Variants in MYO16 observed in about 807,000 individuals in gnomAD.
MYO16 encodes unconventional myosin-XVI.
A neutral mutation model predicts 205.3 loss-of-function variants in MYO16; 94 were observed. The observed-to-expected ratio is 0.46, with a 90% CI of 0.39 to 0.54. The LOEUF (loss-of-function observed/expected upper bound fraction) is 0.54, where lower values mean the gene tolerates loss of function less well. Among genes scored for constraint, MYO16 ranks in the 20% least tolerant of loss-of-function variants. MYO16 has a pLI of 0.00. For missense variants in MYO16, 2,315 were observed against 2,387.5 expected (o/e 0.97, Z 0.63); for synonymous variants, 988 against 954.0 (o/e 1.04, Z -0.66).
intron 24 of MYO16, among the ~76,000 whole-genome samples, chr13:109,051,872 G>T (rs1162031410): frequency 1.3e-5 from 2 of 152,090 alleles, no homozygotes; most frequent in East Asian, 3.9e-4. Flanking sequence ...CTTACAGACG[G>T]CTCTGAGACA....
chr13:108,856,705 C>T (rs1878192830), intron 11 of MYO16, among the ~76,000 whole-genome samples: 1 of 152,028 alleles, frequency 6.6e-6, no homozygotes, highest in African/African-American at 2.4e-5. Flanking sequence ...TTTCTTTACC[C>T]ATTTGTGCCT....
At chr13:108,689,211 C>T (rs960792273) in intron 2 of MYO16, among the ~76,000 whole-genome samples, 17 of 152,228 alleles carry the variant, frequency 1.1e-4, no homozygotes, top group African/African-American at 3.9e-4. Flanking sequence ...AAATGCATTT[C>T]AAATCTGCTA....
chr13:109,115,966 A>AAAAAC (rs1555332786), intron 28 of MYO16, among the ~76,000 whole-genome samples: 1 of 149,300 alleles, frequency 6.7e-6, no homozygotes, highest in African/African-American at 2.5e-5. Flanking sequence ...GCATCTCAAA[A>AAAAAC]AAACAAACAA....
chr13:108,768,628 CACAG>C (rs1479065685), intron 4 of MYO16, among the ~76,000 whole-genome samples: 1 of 152,136 alleles, frequency 6.6e-6, no homozygotes, highest in Admixed American at 6.5e-5. Flanking sequence ...CCTTATAGGA[CACAG>C]ACATAGTGTA....
chr13:109,100,042 T>C (rs142999713), intron 27 of MYO16, among the ~76,000 whole-genome samples: 3 of 152,358 alleles, frequency 2.0e-5, no homozygotes, highest in South Asian at 4.1e-4. Flanking sequence ...TCTTTGCTCA[T>C]TTCCTTTCTG....
chr13:108,591,162 C>A (rs1878389246), upstream of MYO16, among the ~76,000 whole-genome samples: 1 of 152,156 alleles, frequency 6.6e-6, no homozygotes, highest in African/African-American at 2.4e-5. Flanking sequence ...CTGACTCTTA[C>A]CTGCATTCGA....
intron 14 of MYO16, among the ~76,000 whole-genome samples, chr13:108,894,543 A>T (rs1401938413): frequency 2.6e-5 from 4 of 152,204 alleles, no homozygotes; most frequent in East Asian, 3.8e-4. Flanking sequence ...AAGGAGGAAG[A>T]TTCAGTTGGT....
Position 109,205,156 on chromosome 13 carries a change from C to T in MYO16, c.5416-1453C>T, listed in dbSNP as rs576206148. On this transcript the variant is annotated intron_variant, in intron 34 of 34. Coordinates refer to ENST00000457511, the MANE Select transcript of MYO16 (RefSeq NM_001198950.3). ...GAGTAACCATAGTCCTCTTTTCTACCCTTAAGCTCTTCTTTCCTCTGGTTG... is the reference window on the plus strand; with the variant it reads ...GAGTAACCATAGTCCTCTTTTCTACTCTTAAGCTCTTCTTTCCTCTGGTTG... Among the ~76,000 whole-genome samples the T allele has an allele frequency of 2.6e-5, 4 of 152,268 alleles. No individual in the cohort carries two copies. In the East Asian group the frequency reaches 7.7e-4, roughly 29 times the overall value.
intron 2 of MYO16, among the ~76,000 whole-genome samples, chr13:108,669,938 C>T (rs117126470): frequency 0.023 from 3,438 of 151,992 alleles, 234 homozygotes; most frequent in East Asian, 0.15. Context: ...TGGGTGGTAA[C>T]GGGAGGGAGA....
chr13:108,884,023 C>G (rs1163960555), intron 13 of MYO16, among the ~76,000 whole-genome samples: 1 of 152,124 alleles, frequency 6.6e-6, no homozygotes, highest in Non-Finnish European at 1.5e-5. Context: ...CATCAGAGAC[C>G]TATATTTTAT....
chr13:109,022,797 T>G (rs1371586416), intron 23 of MYO16, among the ~76,000 whole-genome samples: 1 of 132,230 alleles, frequency 7.6e-6, no homozygotes, highest in Non-Finnish European at 1.5e-5. Context: ...TATGTAAACA[T>G]ATGTATATAT....
At position 108,928,108 on chromosome 13, in the gene MYO16, G is replaced by A. The variant is rs541787207; in HGVS notation, c.1925+17958G>A. On this transcript the variant is annotated intron_variant, in intron 16 of 34. Transcript: ENST00000457511. ...CAGATGCCGATGCGCTTGCCTTCTGGGGCTTTTCTCCTTTCTCTACAAGGA... is the reference window on the plus strand; with the variant it reads ...CAGATGCCGATGCGCTTGCCTTCTGAGGCTTTTCTCCTTTCTCTACAAGGA... Among the ~76,000 whole-genome samples the A allele has an allele frequency of 1.3e-3, 202 of 152,276 alleles. 1 individual carries two copies. Among genetic ancestry groups the A allele is most frequent in the African/African-American group, 4.6e-3 (193 of 41,556 alleles).
At chr13:109,200,363 A>G (rs1880349340) in intron 34 of MYO16, among the ~76,000 whole-genome samples, 1 of 152,202 alleles carries the variant, frequency 6.6e-6, no homozygotes, top group African/African-American at 2.4e-5. Flanking sequence ...AAAGAAGAAA[A>G]TTTCCATGAA....
intron 1 of MYO16, among the ~76,000 whole-genome samples, chr13:108,597,301 A>G (rs1168520077): frequency 6.6e-6 from 1 of 152,200 alleles, no homozygotes; most frequent in Non-Finnish European, 1.5e-5. Flanking sequence ...AAAACCTACA[A>G]TCTCCCTGTA....
chr13:108,553,005 C>CT, the MYO16 span, among the ~76,000 whole-genome samples: 77 of 64,902 alleles, frequency 1.2e-3, 4 homozygotes, highest in African/African-American at 3.5e-3. Flanking sequence ...CTTTAATACT[C>CT]TTTTTTTTTT....
intron 11 of MYO16, among the ~76,000 whole-genome samples, chr13:108,865,239 A>G (rs982314195): frequency 6.6e-6 from 1 of 152,154 alleles, no homozygotes; most frequent in African/African-American, 2.4e-5. Context: ...TGCTTGTTCC[A>G]TGAATTACTA....
chr13:108,999,511 T>C (rs1337568406), intron 21 of MYO16, among the ~76,000 whole-genome samples: 2 of 152,246 alleles, frequency 1.3e-5, no homozygotes, highest in Admixed American at 6.5e-5. Context: ...AATGAGATGC[T>C]AGTATAATAT....
Position 108,665,953 on chromosome 13 carries a change from C to A in MYO16, c.96C>A (p.Ser32=). 4 of 1,614,092 alleles carry A rather than the reference C, an allele frequency of 2.5e-6. No individual in the cohort carries two copies. Among genetic ancestry groups the A allele is most frequent in the Non-Finnish European group, 3.4e-6 (4 of 1,179,986 alleles). The change falls in exon 2 of 35, where the codon TCC becomes TCA. Residue 32 remains serine (S), a synonymous_variant. Coordinates refer to ENST00000457511, the MANE Select transcript of MYO16 (RefSeq NM_001198950.3). ...AAATCGACCAGTGCTTGCTAGAGTC[C>A]CTTCCCCTTGGCCAACGGCAGCGTC... ...EMEIDQCLLE[S]LPLGQRQRLV...
At chr13:108,643,567 T>C (rs1268617665) in intron 1 of MYO16, among the ~76,000 whole-genome samples, 1 of 152,244 alleles carries the variant, frequency 6.6e-6, no homozygotes, top group African/African-American at 2.4e-5. Context: ...TTTAAAAAGA[T>C]TGGCTTTCAT....
Sources: gnomAD v4.1 joint callset for allele counts (sites outside exome capture counted in the v4.1 genomes callset) on GRCh38, gnomAD v4.1.1 for gene constraint, MANE v1.5 for transcripts, NCBI Gene and HGNC (gene_info 2026-07-23, HGNC 2026-07-21) for gene names.